Variants in ACTR3 observed in about 807,000 individuals in gnomAD.
ACTR3 encodes actin-related protein 3.
Under a neutral mutation model 56.8 loss-of-function variants are expected in ACTR3, and 12 were observed. The ratio of observed to expected loss-of-function variants is 0.21; its 90% confidence interval spans 0.14 to 0.34. The LOEUF (loss-of-function observed/expected upper bound fraction) is 0.34. Among genes scored for constraint, ACTR3 ranks in the 10% least tolerant of loss-of-function variants. The pLI is 1.00. For missense variants in ACTR3, 282 were observed against 512.5 expected, an observed-to-expected ratio of 0.55 and a Z score of 4.34; for synonymous variants, 162 against 167.4, an observed-to-expected ratio of 0.97 and a Z score of 0.25.
intron 1 of ACTR3, chr2:113,890,862 C>T (rs1678880092): frequency 2.3e-6 from 2 of 885,498 alleles, no homozygotes; most frequent in Non-Finnish European, 2.7e-6. Context: ...AAAATGGGAA[C>T]CTACAGTGGG....
intron 1 of ACTR3, among the ~76,000 whole-genome samples, chr2:113,908,249 C>A (rs1262945505): frequency 6.8e-6 from 1 of 146,514 alleles, no homozygotes; most frequent in Non-Finnish European, 1.5e-5. Context: ...TAGCTGTTAG[C>A]AGTTTTTTTT....
intron 2 of ACTR3, among the ~76,000 whole-genome samples, chr2:113,916,005 A>G (rs1424379291): frequency 6.6e-6 from 1 of 152,178 alleles, no homozygotes; most frequent in East Asian, 1.9e-4. Context: ...TTTTTAGGAA[A>G]TTTATAGTGA....
chr2:113,890,545 C>A (rs1678867748), intron 1 of ACTR3: 2 of 1,374,292 alleles, frequency 1.5e-6, no homozygotes, highest in Non-Finnish European at 1.9e-6. Flanking sequence ...CGAGATTCAA[C>A]CCCCAACCCT....
At chr2:113,902,168 G>A (rs1481028492) in intron 1 of ACTR3, among the ~76,000 whole-genome samples, 1 of 152,106 alleles carries the variant, frequency 6.6e-6, no homozygotes, top group African/African-American at 2.4e-5. Flanking sequence ...GGCAGTTACT[G>A]TTGTGACAGA....
chr2:113,933,379 G>T (rs1257302358), intron 5 of ACTR3, among the ~76,000 whole-genome samples: 4 of 151,942 alleles, frequency 2.6e-5, no homozygotes, highest in African/African-American at 9.7e-5. Context: ...TGTGGTGGTG[G>T]GCACCTGTAA....
chr2:113,929,135 TTTTTTG>T (rs1234631756), intron 4 of ACTR3, among the ~76,000 whole-genome samples: 1 of 151,998 alleles, frequency 6.6e-6, no homozygotes, highest in Non-Finnish European at 1.5e-5. Context: ...TTTTTGTTTT[TTTTTTG>T]TTTTTGTTTT....
intron 1 of ACTR3, chr2:113,904,268 C>T (rs1679154426): frequency 6.6e-6 from 1 of 152,110 alleles, no homozygotes; most frequent in Non-Finnish European, 1.5e-5. Context: ...ACTGCTTGGC[C>T]TTTATTTTCA....
intron 11 of ACTR3, among the ~76,000 whole-genome samples, chr2:113,956,261 C>G (rs1252399244): frequency 6.6e-6 from 1 of 151,284 alleles, no homozygotes; most frequent in Non-Finnish European, 1.5e-5. Context: ...TGGAGAAGAA[C>G]AAAGCAAATT....
Position 113,960,570 on chromosome 2 carries a change from T to A in ACTR3, c.*3115T>A, listed in dbSNP as rs1680307921. The A allele has an allele frequency of 6.6e-6, 1 of 152,018 alleles. No individual in the cohort carries two copies. The highest frequency in any genetic ancestry group is 6.6e-5 in the Admixed American group (1 of 15,248). 9.4% of individuals were successfully genotyped at this position (152,018 alleles called of 1,614,324 possible). On this transcript the variant is annotated 3_prime_UTR_variant, in exon 12 of 12. Transcript: ENST00000263238. ...ATGTTTATAAAATTATTGAGAAGAT[T>A]ATTTGTGTTATAAAGCTTATTTGTA...
chr2:113,894,002 G>T (rs1678956996), intron 1 of ACTR3, among the ~76,000 whole-genome samples: 1 of 152,096 alleles, frequency 6.6e-6, no homozygotes, highest in Non-Finnish European at 1.5e-5. Flanking sequence ...AGAGCAGTGG[G>T]GAAAAGCTGG....
intron 1 of ACTR3, among the ~76,000 whole-genome samples, chr2:113,892,631 G>C (rs926807477): frequency 6.6e-6 from 1 of 152,178 alleles, no homozygotes; most frequent in Non-Finnish European, 1.5e-5. Context: ...TTAACAGGGA[G>C]CTTTTACATT....
intron 10 of ACTR3, chr2:113,953,004 A>C (rs548019336): frequency 1.3e-5 from 2 of 152,330 alleles, no homozygotes; most frequent in East Asian, 3.9e-4. Flanking sequence ...GATTATGTGA[A>C]TGAACATAGT....
At chr2:113,940,820 ATTT>A (rs58868582) in intron 7 of ACTR3, among the ~76,000 whole-genome samples, 1 of 122,000 alleles carries the variant, frequency 8.2e-6, no homozygotes. Flanking sequence ...ATTTTTATTG[ATTT>A]TTTTTTTTTT....
chr2:113,911,796 G>T (rs1679310809), intron 1 of ACTR3, among the ~76,000 whole-genome samples: 2 of 152,052 alleles, frequency 1.3e-5, no homozygotes, highest in Admixed American at 1.3e-4. Context: ...GAGTGCAGTG[G>T]TGTGATCTCG....
intron 1 of ACTR3, among the ~76,000 whole-genome samples, chr2:113,894,656 C>G (rs1445993077): frequency 6.6e-6 from 1 of 152,216 alleles, no homozygotes; most frequent in African/African-American, 2.4e-5. Context: ...AACGAACTTT[C>G]AGGCTTATTG....
Position 113,925,451 on chromosome 2 carries a change from C to T in ACTR3, c.226-1894C>T, listed in dbSNP as rs550637449. Among the ~76,000 whole-genome samples, 470 of 152,280 alleles carry T rather than the reference C, an allele frequency of 3.1e-3. 4 individuals carry two copies. Among genetic ancestry groups the T allele is most frequent in the African/African-American group, 0.011 (445 of 41,550 alleles). Reference sequence around the variant, plus strand: ...CCTCAGGTGATCTGCCTGCCTTGGCCTCCCAAAGTGCTGGGATTACAGGCA... The same window carrying T: ...CCTCAGGTGATCTGCCTGCCTTGGCTTCCCAAAGTGCTGGGATTACAGGCA... On this transcript the variant is annotated intron_variant, in intron 3 of 11. Transcript: ENST00000263238.
intron 1 of ACTR3, among the ~76,000 whole-genome samples, chr2:113,909,476 G>A (rs1248761053): frequency 2.6e-5 from 4 of 152,076 alleles, no homozygotes; most frequent in Admixed American, 6.5e-5. Flanking sequence ...TTTAGGAGAC[G>A]ATATTTACAC....
At position 113,955,629 on chromosome 2, in the gene ACTR3, C is replaced by A; in HGVS notation, c.1084C>A (p.Pro362Thr). The change falls in exon 11 of 12, where the codon CCT becomes ACT. Residue 362 changes from proline to threonine, a missense_variant. Pro to Thr is a conservative substitution (Grantham distance 38, BLOSUM62 -1). Transcript: ENST00000263238. Reference sequence around the variant, plus strand: ...ATACTATGTCTTTCTTTAGCCAAAACCTATTGATGTACAAGTCATTACACA... The same window carrying A: ...ATACTATGTCTTTCTTTAGCCAAAAACTATTGATGTACAAGTCATTACACA... ...ELSGGRLKPKPIDVQVITHHM... is the reference protein window; with the variant it reads ...ELSGGRLKPKTIDVQVITHHM... The A allele has an allele frequency of 6.2e-7, 1 of 1,610,794 alleles. No homozygotes were observed.
chr2:113,942,084 T>G (rs1189811186), intron 7 of ACTR3, 102 bp from the exon 8 acceptor site: 1 of 419,356 alleles, frequency 2.4e-6, no homozygotes, highest in Non-Finnish European at 3.5e-6. Context: ...TTCTGAAGAG[T>G]TTTTTTTTTT....
Sources: gnomAD v4.1 joint callset for allele counts (sites outside exome capture counted in the v4.1 genomes callset) on GRCh38, gnomAD v4.1.1 for gene constraint, MANE v1.5 for transcripts, NCBI Gene and HGNC (gene_info 2026-07-23, HGNC 2026-07-21) for gene names.